The following FMN2 variants were observed in gnomAD, a reference collection of about 807,000 sequenced individuals.
FMN2 encodes the protein formin 2, also known as formin-2.
A neutral mutation model predicts 142.3 loss-of-function variants in FMN2; 51 were observed. The ratio of observed to expected loss-of-function variants is 0.36; its 90% CI spans 0.29 to 0.45. FMN2 has a LOEUF of 0.45. Ranked by LOEUF, FMN2 falls within the 20% of genes least tolerant of loss-of-function variation. FMN2 has a pLI of 1.00. For synonymous variants in FMN2, 882 were observed against 869.8 expected (o/e 1.01, Z -0.25); for missense variants, 1,936 against 2,122.8 (o/e 0.91, Z 1.73).
At chr1:240,316,688 G>A (rs1194562690) in intron 8 of FMN2, among the ~76,000 whole-genome samples, 3 of 152,002 alleles carry the variant, frequency 2.0e-5, no homozygotes. Flanking sequence ...ACAGATTTGG[G>A]GACAAAATAG....
chr1:240,240,889 A>G (rs1341711318), intron 6 of FMN2, among the ~76,000 whole-genome samples: 2 of 152,226 alleles, frequency 1.3e-5, no homozygotes, highest in Non-Finnish European at 2.9e-5. Flanking sequence ...AATGTTTTTC[A>G]TGCCAAAATT....
chr1:240,378,070 A>T (rs1001747315), intron 14 of FMN2, among the ~76,000 whole-genome samples: 3 of 151,900 alleles, frequency 2.0e-5, no homozygotes, highest in Non-Finnish European at 4.4e-5. Context: ...TTGCTAGTTT[A>T]TAGGATTTTT....
intron 16 of FMN2, chr1:240,458,375 A>T (rs1168790471): frequency 6.6e-6 from 1 of 152,106 alleles, no homozygotes; most frequent in Non-Finnish European, 1.5e-5. Flanking sequence ...CTCTTTTATG[A>T]GTTTTACAGG....
chr1:240,447,637 A>G (rs1402913415), intron 16 of FMN2, among the ~76,000 whole-genome samples: 1 of 152,244 alleles, frequency 6.6e-6, no homozygotes. Flanking sequence ...AAAAACTGCA[A>G]TTACTTTTGC....
chr1:240,428,940 TA>T (rs1236954988), intron 15 of FMN2, among the ~76,000 whole-genome samples: 3 of 152,238 alleles, frequency 2.0e-5, no homozygotes, highest in Admixed American at 6.5e-5. Flanking sequence ...AATACACATA[TA>T]GGAATTTCTT....
intron 5 of FMN2, among the ~76,000 whole-genome samples, chr1:240,210,680 G>A (rs1261141243): frequency 6.6e-6 from 1 of 152,210 alleles, no homozygotes; most frequent in Non-Finnish European, 1.5e-5. Context: ...GAGGCAGTAG[G>A]AGGGAGAGGA....
At position 240,268,477 on chromosome 1, in the gene FMN2, C is replaced by T. The variant is rs975395484; in HGVS notation, c.4153+10445C>T. ...TCCCCTAACTGTGTGGCTTCTTAAA[C>T]ATTGTCTCTGTGCTGTGAGAGTCAG... On this transcript the variant is annotated intron_variant, in intron 7 of 17. Transcript: ENST00000319653. 2.6e-5 allele frequency among the ~76,000 whole-genome samples: 4 copies of T among 151,994 alleles called. No individual in the cohort carries two copies. In the South Asian group the frequency reaches 8.3e-4, roughly 31 times the overall value.
At chr1:240,405,618 CA>C (rs199827275) in intron 15 of FMN2, among the ~76,000 whole-genome samples, 30,240 of 116,692 alleles carry the variant, frequency 0.26, 3,416 homozygotes, top group East Asian at 0.62. Context: ...AACTCCGTCT[CA>C]AAAAAAAAAA....
intron 14 of FMN2, among the ~76,000 whole-genome samples, chr1:240,384,938 G>A (rs1398716347): frequency 6.6e-6 from 1 of 152,052 alleles, no homozygotes; most frequent in African/African-American, 2.4e-5. Context: ...ACATCTACAT[G>A]TATGATTATT....
chr1:240,202,392 T>C (rs1450422428), intron 4 of FMN2, among the ~76,000 whole-genome samples: 1 of 152,174 alleles, frequency 6.6e-6, no homozygotes, highest in Non-Finnish European at 1.5e-5. Flanking sequence ...GGGTGCCATG[T>C]GGAACTAGCT....
chr1:240,162,241 G>A (rs1664310566), intron 2 of FMN2, among the ~76,000 whole-genome samples: 1 of 152,108 alleles, frequency 6.6e-6, no homozygotes, highest in South Asian at 2.1e-4. Context: ...CGAGGCAGGT[G>A]GATCACAGGG....
intron 7 of FMN2, among the ~76,000 whole-genome samples, chr1:240,280,653 G>A (rs1371030935): frequency 6.6e-6 from 1 of 152,104 alleles, no homozygotes; most frequent in Admixed American, 6.6e-5. Flanking sequence ...GCTGGTTTAC[G>A]GAAAACATTC....
intron 13 of FMN2, among the ~76,000 whole-genome samples, chr1:240,350,098 C>T (rs1672039921): frequency 1.3e-5 from 2 of 152,198 alleles, no homozygotes; most frequent in South Asian, 4.2e-4. Context: ...TATGTAAGCA[C>T]ATTGAGCATA....
rs2103172085 is a variant in FMN2, at chr1:240,099,331, T to C, written c.1615+5607T>C. Reference sequence around the variant, plus strand: ...TTTTGTTTTGTTTTTTTTTGCAAATTGTTTATGTATTATTTTTTCTTTTTT... The same window carrying C: ...TTTTGTTTTGTTTTTTTTTGCAAATCGTTTATGTATTATTTTTTCTTTTTT... On this transcript the variant is annotated intron_variant, in intron 1 of 17. Transcript: ENST00000319653. Among the ~76,000 whole-genome samples the C allele has an allele frequency of 1.3e-5, 2 of 152,092 alleles. 1 individual carries two copies. Among genetic ancestry groups the C allele is most frequent in the South Asian group, 4.1e-4 (2 of 4,822 alleles).
Position 240,092,358 on chromosome 1 carries a change from T to A in FMN2, c.249T>A (p.Asn83Lys). 1 of 1,609,326 alleles carries A rather than the reference T, an allele frequency of 6.2e-7. No individual in the cohort carries two copies. The highest frequency in any genetic ancestry group is 8.5e-7 in the Non-Finnish European group (1 of 1,176,910). Residue 83 changes from asparagine (N) to lysine (K), a missense_variant, in exon 1 of 18, where the codon AAT becomes AAA. Physicochemically the swap from Asn to Lys is moderately conservative, Grantham distance 94 (BLOSUM62 0). Around this residue, in one of 8 missense-constraint regions of FMN2, gnomAD observed 751 missense variants for 791.8 expected, o/e 0.95. Transcript: ENST00000319653. ...SVFSNLRIRKNLSKGKGAGGS... is the reference protein window; with the variant it reads ...SVFSNLRIRKKLSKGKGAGGS... ...TTTCCAACCTGCGGATCAGGAAGAA[T>A]CTGTCCAAGGGGAAAGGCGCCGGCG...
chr1:240,159,648 T>C (rs2103288875), intron 2 of FMN2, among the ~76,000 whole-genome samples: 1 of 152,200 alleles, frequency 6.6e-6, no homozygotes, highest in East Asian at 1.9e-4. Context: ...CATTACAAGC[T>C]CAGAACAGAG....
intron 13 of FMN2, among the ~76,000 whole-genome samples, chr1:240,350,605 A>G (rs1672064959): frequency 6.6e-6 from 1 of 152,248 alleles, no homozygotes; most frequent in African/African-American, 2.4e-5. Flanking sequence ...TTCAACTTCC[A>G]GTTGAGGCTG....
chr1:240,419,295 C>T (rs1339957263), intron 15 of FMN2, among the ~76,000 whole-genome samples: 1 of 152,020 alleles, frequency 6.6e-6, no homozygotes, highest in African/African-American at 2.4e-5. Flanking sequence ...TCTGGTAATG[C>T]TTTTTGCCTA....
intron 15 of FMN2, among the ~76,000 whole-genome samples, chr1:240,401,897 A>G (rs1674005282): frequency 6.6e-6 from 1 of 152,172 alleles, no homozygotes; most frequent in African/African-American, 2.4e-5. Flanking sequence ...AAGTTCCCCA[A>G]GTTCCCGGGC....
Sources: gnomAD v4.1 joint callset for allele counts (sites outside exome capture counted in the v4.1 genomes callset) on GRCh38, gnomAD v4.1.1 for gene constraint, gnomAD v4.1.1 regional missense constraint, MANE v1.5 for transcripts, NCBI Gene and HGNC (gene_info 2026-07-23, HGNC 2026-07-21) for gene names.